Variants in LRPPRC observed in about 807,000 individuals in gnomAD.
The protein encoded by LRPPRC is leucine rich pentatricopeptide repeat containing, also known as leucine-rich PPR motif-containing protein, mitochondrial.
In LRPPRC, 120 loss-of-function variants were observed where a neutral mutation model predicts 180.3. The observed-to-expected ratio is 0.67, with a 90% confidence interval of 0.57 to 0.77. LRPPRC has a LOEUF of 0.77. LRPPRC is among the 30% of genes least tolerant of loss of function. The pLI, the probability that LRPPRC is intolerant of heterozygous loss-of-function variation, is 0.00. For synonymous variants in LRPPRC, 723 were observed against 600.0 expected (o/e 1.21, Z -3.00); for missense variants, 2,012 against 1,657.2 (o/e 1.21, Z -3.72).
chr2:43,929,784 T>A (rs1204064762), intron 25 of LRPPRC, among the ~76,000 whole-genome samples: 1 of 152,120 alleles, frequency 6.6e-6, no homozygotes, highest in Admixed American at 6.6e-5. Flanking sequence ...AGACCATGTA[T>A]AATAAGGAGG....
chr2:43,951,042 C>G lies in LRPPRC; in HGVS notation c.1650-442G>C, dbSNP rs185966589. Among the ~76,000 whole-genome samples, 11 of 152,334 alleles carry G rather than the reference C, an allele frequency of 7.2e-5. 1 individual carries two copies. The highest frequency in any genetic ancestry group is 5.9e-4 in the Admixed American group (9 of 15,310). ...CCGAGATCGTGCCACTGCACTCCAG[C>G]CTGGGAGACACAGTGAGTCTCAAAG... On this transcript the variant is annotated intron_variant, in intron 14 of 37. Transcript: ENST00000260665.
chr2:43,910,534 C>A (rs1558921045), intron 30 of LRPPRC, among the ~76,000 whole-genome samples: 1 of 152,158 alleles, frequency 6.6e-6, no homozygotes, highest in Non-Finnish European at 1.5e-5. Context: ...CGTGCCTGGG[C>A]TTAAATCTCT....
Position 43,949,641 on chromosome 2 carries a change from T to C in LRPPRC, c.1696A>G (p.Lys566Glu), listed in dbSNP as rs757232027. ...LWSEITELLY[K>E]DGRYCQEPRG... ...GGCTCCTGGCAATAACGTCCATCCT[T>C]GTACAACAATTCTGTTATCTGGTAA... The change falls in exon 16 of 38, where the codon AAG becomes GAG. Residue 566 changes from lysine (K) to glutamate (E), a missense_variant. By Grantham distance (56) the Lys-to-Glu change is moderately conservative. Coordinates refer to ENST00000260665, the MANE Select transcript of LRPPRC (RefSeq NM_133259.4). The C allele has an allele frequency of 1.1e-5, 18 of 1,613,792 alleles. No homozygotes were observed. Among genetic ancestry groups the C allele is most frequent in the Middle Eastern group, 1.6e-4 (1 of 6,084 alleles).
chr2:43,941,546 T>C (rs1389793084), intron 23 of LRPPRC, among the ~76,000 whole-genome samples: 4 of 152,300 alleles, frequency 2.6e-5, no homozygotes, highest in African/African-American at 9.6e-5. Flanking sequence ...ACACGTGGAC[T>C]TTTTGGCAGG....
At position 43,947,358 on chromosome 2, in the gene LRPPRC, T is replaced by A. The variant is rs775245646; in HGVS notation, c.1978A>T (p.Thr660Ser). ...NLDFQKTVQL[T>S]SSELESTLET... ...AGTGTGGACTCCAATTCAGATGATG[T>A]AAGTTGCACAGTCTACAGAAAAGAA... Residue 660 changes from threonine to serine, a missense_variant, in exon 20 of 38, where the codon ACA (threonine) becomes TCA (serine). Transcript: ENST00000260665. 1 of 1,558,296 alleles carries A rather than the reference T, an allele frequency of 6.4e-7. No individual in the cohort carries two copies. The highest frequency in any genetic ancestry group is 8.8e-7 in the Non-Finnish European group (1 of 1,130,114).
chr2:43,917,098 T>TG (rs1671500035), intron 29 of LRPPRC, among the ~76,000 whole-genome samples: 1 of 146,178 alleles, frequency 6.8e-6, no homozygotes, highest in African/African-American at 2.5e-5. Flanking sequence ...TGGAGTGCAG[T>TG]GGTGCGATCT....
intron 11 of LRPPRC, among the ~76,000 whole-genome samples, chr2:43,969,456 T>C (rs1673709028): frequency 6.6e-6 from 1 of 151,646 alleles, no homozygotes; most frequent in African/African-American, 2.4e-5. Context: ...TGGCAGGTGC[T>C]TGTTACACTA....
Position 43,888,512 on chromosome 2 carries a change from T to C in LRPPRC, c.*88A>G. ...ATACATAAGTACATAAAGAAAATTT[T>C]CATTTATTTTTCCCTCAGATATACT... On this transcript the variant is annotated 3_prime_UTR_variant, in exon 38 of 38. Transcript: ENST00000260665. 1.2e-6 allele frequency: 1 copy of C among 853,258 alleles called. No homozygotes were observed. Among genetic ancestry groups the C allele is most frequent in the Non-Finnish European group, 2.0e-6 (1 of 503,042 alleles). The allele number at this position is 853,258 out of a possible 1,614,324, so 52.9% of individuals were successfully genotyped here. A position where few individuals can be genotyped will look rare whatever the true frequency, so the allele number is the denominator to read the frequency against.
intron 23 of LRPPRC, among the ~76,000 whole-genome samples, chr2:43,937,824 A>C (rs1017241171): frequency 6.6e-6 from 1 of 152,188 alleles, no homozygotes; most frequent in African/African-American, 2.4e-5. Flanking sequence ...TGAAATCAGT[A>C]AGGGAAGCAC....
chr2:43,963,732 G>C, intron 11 of LRPPRC, 26 bp from the exon 12 acceptor site: 1 of 1,152,516 alleles, frequency 8.7e-7, no homozygotes, highest in African/African-American at 1.5e-5. Flanking sequence ...TAGAAGCACA[G>C]AGATAGAGAA....
At chr2:43,925,537 T>C (rs1671845646) in intron 26 of LRPPRC, among the ~76,000 whole-genome samples, 1 of 152,150 alleles carries the variant, frequency 6.6e-6, no homozygotes, top group Non-Finnish European at 1.5e-5. Context: ...TTACTTGGCA[T>C]GGTGCAAACA....
intron 31 of LRPPRC, chr2:43,904,658 AC>A: frequency 6.7e-6 from 1 of 149,694 alleles, no homozygotes; most frequent in South Asian, 2.1e-4. Flanking sequence ...CCACCACTGT[AC>A]TCTAGCCTGG....
chr2:43,939,426 C>A (rs1242322061), intron 23 of LRPPRC, among the ~76,000 whole-genome samples: 2 of 152,128 alleles, frequency 1.3e-5, no homozygotes, highest in East Asian at 3.8e-4. Context: ...GGCTTCCTTA[C>A]TGAAATGCGC....
chr2:43,962,281 A>G (rs539472985), intron 12 of LRPPRC, among the ~76,000 whole-genome samples: 1 of 152,254 alleles, frequency 6.6e-6, no homozygotes, highest in Non-Finnish European at 1.5e-5. Flanking sequence ...TTTTTTTAAC[A>G]GTAAAATATG....
intron 1 of LRPPRC, among the ~76,000 whole-genome samples, chr2:43,993,040 G>A (rs1308121551): frequency 1.3e-5 from 2 of 152,288 alleles, no homozygotes; most frequent in East Asian, 1.9e-4. Flanking sequence ...GAGGAATCAA[G>A]CAAATGAGAC....
intron 23 of LRPPRC, among the ~76,000 whole-genome samples, chr2:43,943,121 AGACT>A (rs1373437795): frequency 2.6e-5 from 4 of 152,128 alleles, no homozygotes; most frequent in Non-Finnish European, 5.9e-5. Context: ...ATTATAAAAT[AGACT>A]GACTTTATGA....
Position 43,984,991 on chromosome 2 carries a change from T to TA in LRPPRC, c.150-2558dup, listed in dbSNP as rs1674464874. On this transcript the variant is annotated intron_variant, in intron 1 of 37. Transcript: ENST00000260665. Reference sequence around the variant, plus strand: ...TAAAGTTATTATCTCTCAGTTTTTTTAAAAAAATTAAGGTGGGTTTTTTTT... The same window carrying TA: ...TAAAGTTATTATCTCTCAGTTTTTTTAAAAAAAATTAAGGTGGGTTTTTTTT... Among the ~76,000 whole-genome samples, 12 of 151,484 alleles carry TA rather than the reference T, an allele frequency of 7.9e-5. No individual in the cohort carries two copies. The South Asian group carries it at 2.3e-3, about 29-fold the overall frequency.
rs1304788010 is a variant in LRPPRC at position 43,977,042 on chromosome 2, T to A, written c.602A>T (p.Gln201Leu). 1.9e-6 allele frequency: 3 copies of A among 1,612,520 alleles called. No homozygotes were observed. The highest frequency in any genetic ancestry group is 2.5e-6 in the Non-Finnish European group (3 of 1,178,738). The change falls in exon 5 of 38, where the codon CAG (glutamine) becomes CTG (leucine). Residue 201 changes from glutamine to leucine, a missense_variant. Gln to Leu is a moderately radical substitution (Grantham distance 113). Coordinates refer to ENST00000260665, the MANE Select transcript of LRPPRC (RefSeq NM_133259.4). ...ATTACAATAAGAAGCAATCAATCTC[T>A]GGTATGTCACCTGTCAATGAAATGG... ...ANIQPNRVTYQRLIASYCNVG... is the reference protein window; with the variant it reads ...ANIQPNRVTYLRLIASYCNVG...
intron 29 of LRPPRC, among the ~76,000 whole-genome samples, chr2:43,915,230 T>A (rs201595439): frequency 2.6e-3 from 125 of 47,400 alleles, no homozygotes; most frequent in African/African-American, 0.01. Flanking sequence ...TCTCTCTCTC[T>A]CTCACACACA....
Sources: allele counts gnomAD v4.1 joint callset (sites outside exome capture counted in the v4.1 genomes callset), GRCh38; gene constraint gnomAD v4.1.1; transcripts MANE v1.5; gene names NCBI Gene and HGNC (gene_info 2026-07-23, HGNC 2026-07-21).